The following PHACTR1 variants were observed in gnomAD, a reference collection of about 807,000 sequenced individuals.
The protein encoded by PHACTR1 is phosphatase and actin regulator 1, also known as RPEL repeat containing 1.
In PHACTR1, 16 loss-of-function variants were observed where a neutral mutation model predicts 69.2. That is an observed-to-expected ratio of 0.23 (90% CI 0.16 to 0.35). The LOEUF (loss-of-function observed/expected upper bound fraction) is 0.35. Among genes scored for constraint, PHACTR1 ranks in the 10% least tolerant of loss-of-function variants. PHACTR1 has a pLI of 1.00. For missense variants in PHACTR1, 510 were observed against 734.7 expected (o/e 0.69, Z 3.54); for synonymous variants, 312 against 284.5 (o/e 1.10, Z -0.97).
intron 8 of PHACTR1, among the ~76,000 whole-genome samples, chr6:13,213,248 G>C (rs1767154581): frequency 6.6e-6 from 1 of 152,140 alleles, no homozygotes; most frequent in South Asian, 2.1e-4. Context: ...CAGTATTAGT[G>C]GTCTTTAACC....
chr6:12,764,694 A>T (rs1156947193), intron 4 of PHACTR1, among the ~76,000 whole-genome samples: 4 of 152,196 alleles, frequency 2.6e-5, no homozygotes, highest in Admixed American at 1.3e-4. Flanking sequence ...TAGAGGCTGT[A>T]CAGTCAGGAG....
At chr6:13,085,246 A>G (rs1054323193) in intron 5 of PHACTR1, among the ~76,000 whole-genome samples, 1 of 151,956 alleles carries the variant, frequency 6.6e-6, no homozygotes, top group Non-Finnish European at 1.5e-5. Flanking sequence ...TAACTCTTAC[A>G]TGAAGAGTTC....
At chr6:13,121,091 T>C (rs1818658813) in intron 5 of PHACTR1, among the ~76,000 whole-genome samples, 1 of 152,086 alleles carries the variant, frequency 6.6e-6, no homozygotes, top group Admixed American at 6.5e-5. Flanking sequence ...GAGGGAGTGA[T>C]GTTAACTTAG....
chr6:12,767,752 A>G (rs971042020), intron 4 of PHACTR1, among the ~76,000 whole-genome samples: 1 of 152,226 alleles, frequency 6.6e-6, no homozygotes, highest in African/African-American at 2.4e-5. Flanking sequence ...TCTGACATAC[A>G]GAGGAAAATG....
At chr6:12,946,713 A>G (rs537259384) in intron 4 of PHACTR1, among the ~76,000 whole-genome samples, 34 of 152,260 alleles carry the variant, frequency 2.2e-4, no homozygotes, top group African/African-American at 7.9e-4. Flanking sequence ...GTATTGCAGA[A>G]AGAGAGAAAA....
intron 3 of PHACTR1, among the ~76,000 whole-genome samples, chr6:12,730,752 C>G (rs1192752697): frequency 6.6e-6 from 1 of 152,114 alleles, no homozygotes; most frequent in Non-Finnish European, 1.5e-5. Context: ...CTCCCTCCTC[C>G]CACCCTCCGG....
intron 4 of PHACTR1, among the ~76,000 whole-genome samples, chr6:12,812,052 C>T (rs754466533): frequency 3.9e-5 from 6 of 151,992 alleles, no homozygotes; most frequent in Non-Finnish European, 8.8e-5. Flanking sequence ...AATTCAATAG[C>T]ATTTTGTCCA....
rs1171057649 is a variant in PHACTR1, at chr6:12,996,518, A to G, written c.251-56847A>G. On this transcript the variant is annotated intron_variant, in intron 4 of 14. Coordinates refer to ENST00000332995, the MANE Select transcript of PHACTR1 (RefSeq NM_030948.6). ...TACCAATATTGACTGAAGAAGCACTAGAAAATAAATCACTACAATCACTGA... is the reference window on the plus strand; with the variant it reads ...TACCAATATTGACTGAAGAAGCACTGGAAAATAAATCACTACAATCACTGA... Among the ~76,000 whole-genome samples the G allele has an allele frequency of 5.3e-5, 8 of 152,340 alleles. No individual in the cohort carries two copies. In the East Asian group the frequency reaches 1.3e-3, roughly 26 times the overall value.
chr6:13,007,975 C>T (rs1251342322), intron 4 of PHACTR1, among the ~76,000 whole-genome samples: 2 of 152,060 alleles, frequency 1.3e-5, no homozygotes, highest in African/African-American at 4.8e-5. Flanking sequence ...TTCAGGGAAA[C>T]AAACCTCAGC....
At chr6:12,852,207 A>G (rs1779898966) in intron 4 of PHACTR1, among the ~76,000 whole-genome samples, 2 of 152,318 alleles carry the variant, frequency 1.3e-5, no homozygotes, top group African/African-American at 4.8e-5. Flanking sequence ...TTGTGAAGCC[A>G]ATTTAAAGTA....
chr6:13,097,572 C>T (rs527627946), intron 5 of PHACTR1, among the ~76,000 whole-genome samples: 8 of 152,280 alleles, frequency 5.3e-5, no homozygotes, highest in South Asian at 4.1e-4. Context: ...AATTTAAAGC[C>T]GAAGAATGCC....
intron 4 of PHACTR1, among the ~76,000 whole-genome samples, chr6:12,941,686 C>T (rs919202041): frequency 6.6e-6 from 1 of 152,000 alleles, no homozygotes; most frequent in African/African-American, 2.4e-5. Context: ...TATGGGTGTA[C>T]GTCAGGACAG....
rs1161324144 is a variant in PHACTR1, at chr6:12,955,192, C to CTTTTTTTTTTTTTTTTTTTTTTTTTTT, written c.251-98153_251-98152insTTTTTTTTTTTTTTTTTTTTTTTTTTT. Among the ~76,000 whole-genome samples the CTTTTTTTTTTTTTTTTTTTTTTTTTTT allele has an allele frequency of 3.7e-4, 38 of 103,288 alleles. 5 individuals are homozygous for CTTTTTTTTTTTTTTTTTTTTTTTTTTT. Among genetic ancestry groups the CTTTTTTTTTTTTTTTTTTTTTTTTTTT allele is most frequent in the African/African-American group, 1.8e-3 (36 of 19,524 alleles). 67.8% of individuals were successfully genotyped at this position (103,288 alleles called of 152,430 possible). On this transcript the variant is annotated intron_variant, in intron 4 of 14. Transcript: ENST00000332995. Reference sequence around the variant, plus strand: ...ATCTATGGCTCACATTGTATTTCCTCTTTTTTTTTTTTTTTTTTTTGAGAG... The same window carrying CTTTTTTTTTTTTTTTTTTTTTTTTTTT: ...ATCTATGGCTCACATTGTATTTCCTCTTTTTTTTTTTTTTTTTTTTTTTTTTTTTTTTTTTTTTTTTTTTTTTGAGAG...
intron 4 of PHACTR1, among the ~76,000 whole-genome samples, chr6:12,802,016 G>A (rs964053108): frequency 6.6e-6 from 1 of 151,272 alleles, no homozygotes; most frequent in African/African-American, 2.4e-5. Flanking sequence ...GGTTTGGTGT[G>A]ATCATTAAAC....
At chr6:13,160,673 A>T (rs962267942) in intron 6 of PHACTR1, among the ~76,000 whole-genome samples, 32 of 152,192 alleles carry the variant, frequency 2.1e-4, no homozygotes, top group Non-Finnish European at 4.3e-4. Context: ...ATCCATACTC[A>T]TCTAGGATTT....
At chr6:13,057,407 A>C (rs956986866) in intron 5 of PHACTR1, among the ~76,000 whole-genome samples, 1 of 152,224 alleles carries the variant, frequency 6.6e-6, no homozygotes, top group African/African-American at 2.4e-5. Context: ...AAAAAGAAAG[A>C]ATAAGTCCAT....
chr6:13,130,292 C>CA (rs1820217193), intron 5 of PHACTR1, among the ~76,000 whole-genome samples: 1 of 150,830 alleles, frequency 6.6e-6, no homozygotes, highest in Non-Finnish European at 1.5e-5. Flanking sequence ...AAAACAAAAA[C>CA]AAAACAAAAC....
At chr6:13,220,975 A>G (rs74882231) in intron 8 of PHACTR1, among the ~76,000 whole-genome samples, 2,686 of 152,308 alleles carry the variant, frequency 0.018, 73 homozygotes, top group African/African-American at 0.061. Context: ...TAATTATAAC[A>G]TAATGTGGCA....
At chr6:12,719,753 C>T (rs568655309) in intron 3 of PHACTR1, among the ~76,000 whole-genome samples, 15 of 152,306 alleles carry the variant, frequency 9.8e-5, no homozygotes, top group African/African-American at 1.9e-4. Flanking sequence ...ACTTTACACA[C>T]GCCACTGATA....
Sources: gnomAD v4.1 joint callset for allele counts (sites outside exome capture counted in the v4.1 genomes callset) on GRCh38, gnomAD v4.1.1 for gene constraint, MANE v1.5 for transcripts, NCBI Gene and HGNC (gene_info 2026-07-23, HGNC 2026-07-21) for gene names.